CDH10: variants seen among roughly 807,000 people sequenced by gnomAD.
CDH10 encodes cadherin-10.
In CDH10, 30 loss-of-function variants were observed where a neutral mutation model predicts 73.1. The ratio of observed to expected loss-of-function variants is 0.41; its 90% CI spans 0.31 to 0.56. The LOEUF (loss-of-function observed/expected upper bound fraction) is 0.56, where lower values mean the gene tolerates loss of function less well. CDH10 is among the 20% of genes least tolerant of loss of function. The pLI is 0.27. For synonymous variants in CDH10, 345 were observed against 348.2 expected, an observed-to-expected ratio of 0.99 and a Z score of 0.10; for missense variants, 815 against 973.7, an observed-to-expected ratio of 0.84 and a Z score of 2.17.
Position 24,509,621 on chromosome 5 carries a change from T to C in CDH10, c.1201A>G (p.Thr401Ala). 6.2e-7 allele frequency: 1 copy of C among 1,613,898 alleles called. No individual in the cohort carries two copies. Among genetic ancestry groups the C allele is most frequent in the East Asian group, 2.2e-5 (1 of 44,858 alleles). The change falls in exon 7 of 12, where the codon ACA (threonine) becomes GCA (alanine). Residue 401 changes from threonine to alanine, a missense_variant. Transcript: ENST00000264463. ...FEVHEDIEVG[T>A]IIGTVMARDP... ...CTTGCCATTACAGTACCAATGATTG[T>C]GCCCACTTCAATATCTTCATGAACT...
In CDH10 at chr5:24,624,679, T is replaced by A. The variant is rs17521541; in HGVS notation, c.-124+19915A>T. Among the ~76,000 whole-genome samples the A allele has an allele frequency of 1.0e-2, 1,519 of 152,244 alleles. 14 individuals carry two copies. The highest frequency in any genetic ancestry group is 0.051 in the Middle Eastern group (15 of 294). ...AACCAATTCTTCTAAGTGCCAATGT[T>A]TGATGAAAGCAAACTAAAATCAAGA... On this transcript the variant is annotated intron_variant, in intron 1 of 11. Transcript: ENST00000264463.
chr5:24,511,437 T>C lies in CDH10; in HGVS notation c.892A>G (p.Thr298Ala). The C allele has an allele frequency of 1.9e-6, 3 of 1,611,482 alleles. No individual in the cohort carries two copies. The highest frequency in any genetic ancestry group is 2.5e-6 in the Non-Finnish European group (3 of 1,177,632). ...IGSVKATDADTGKNAEVEYRI... is the reference protein window; with the variant it reads ...IGSVKATDADAGKNAEVEYRI... ...TATTCTACTTCAGCATTTTTCCCAG[T>C]GTCAGCATCAGTTGCTTTGACACTT... The change falls in exon 6 of 12, where the codon ACT becomes GCT. Residue 298 changes from threonine (T) to alanine (A), a missense_variant. Coordinates refer to ENST00000264463, the MANE Select transcript of CDH10 (RefSeq NM_006727.5).
At chr5:24,628,661 AC>A in intron 1 of CDH10, among the ~76,000 whole-genome samples, 1 of 152,202 alleles carries the variant, frequency 6.6e-6, no homozygotes, top group East Asian at 1.9e-4. Context: ...TCTTTTATAA[AC>A]TTTTTCATTA....
intron 1 of CDH10, among the ~76,000 whole-genome samples, chr5:24,628,094 A>T (rs562560994): frequency 6.6e-6 from 1 of 152,130 alleles, no homozygotes; most frequent in Non-Finnish European, 1.5e-5. Context: ...TTCCCAGGGG[A>T]AATAAAAACC....
intron 2 of CDH10, among the ~76,000 whole-genome samples, chr5:24,562,499 G>C (rs1036284967): frequency 6.6e-6 from 1 of 151,934 alleles, no homozygotes; most frequent in Non-Finnish European, 1.5e-5. Context: ...TATTTAGAGG[G>C]AGAGCATAAA....
chr5:24,531,863 A>G (rs767315775), intron 5 of CDH10, among the ~76,000 whole-genome samples: 2 of 152,088 alleles, frequency 1.3e-5, no homozygotes, highest in Non-Finnish European at 2.9e-5. Context: ...CCCTCATATG[A>G]CATCAAAATT....
chr5:24,522,696 C>G lies in CDH10; in HGVS notation c.815-11182G>C, dbSNP rs6452215. 8.6e-5 allele frequency among the ~76,000 whole-genome samples: 13 copies of G among 151,792 alleles called. No homozygotes were observed. In the East Asian group the frequency reaches 1.4e-3, roughly 16 times the overall value. On this transcript the variant is annotated intron_variant, in intron 5 of 11. Coordinates refer to ENST00000264463, the MANE Select transcript of CDH10 (RefSeq NM_006727.5). Reference sequence around the variant, plus strand: ...CCACACAACACATCAAAAACACAAGCCTGTAATATCTTGGAAAACATAACC... The same window carrying G: ...CCACACAACACATCAAAAACACAAGGCTGTAATATCTTGGAAAACATAACC...
At chr5:24,572,001 A>T (rs1050386682) in intron 2 of CDH10, among the ~76,000 whole-genome samples, 15 of 152,078 alleles carry the variant, frequency 9.9e-5, no homozygotes, top group African/African-American at 3.6e-4. Flanking sequence ...AGAAGGGTGG[A>T]CTCAAATTTA....
chr5:24,534,175 C>A (rs1203082019), intron 5 of CDH10, among the ~76,000 whole-genome samples: 1 of 151,956 alleles, frequency 6.6e-6, no homozygotes, highest in Admixed American at 6.6e-5. Context: ...AAGCTACTGC[C>A]TTTAAATTTT....
At position 24,487,914 on chromosome 5, in the gene CDH10, C is replaced by A. The variant is rs2111605691; in HGVS notation, c.2116G>T (p.Asp706Tyr). The change falls in exon 12 of 12, where the codon GAT becomes TAT. Residue 706 changes from aspartate (D) to tyrosine (Y), a missense_variant. By Grantham distance (160) the Asp-to-Tyr change is radical (BLOSUM62 -3). Around this residue, in one of 3 missense-constraint regions of CDH10, gnomAD observed 241 missense variants for 240.3 expected, o/e 1.00. Coordinates refer to ENST00000264463, the MANE Select transcript of CDH10 (RefSeq NM_006727.5). ...FIPRRTPTAP[D>Y]NTDVRDFINE... The stretch of plus-strand genomic sequence containing the variant: ...ATGAAATCCCGGACGTCCGTGTTAT[C>A]TGGAGCTGTAGGAGTCCTCCGAGGA... The A allele has an allele frequency of 6.2e-7, 1 of 1,613,914 alleles. No homozygotes were observed. Among genetic ancestry groups the A allele is most frequent in the South Asian group, 1.1e-5 (1 of 91,068 alleles).
At chr5:24,564,835 T>A (rs1745109417) in intron 2 of CDH10, among the ~76,000 whole-genome samples, 1 of 152,162 alleles carries the variant, frequency 6.6e-6, no homozygotes, top group Admixed American at 6.5e-5. Context: ...GGATACTTCA[T>A]CTAGTAATTC....
intron 11 of CDH10, among the ~76,000 whole-genome samples, 161 bp downstream of exon 11, chr5:24,491,415 C>T (rs1009133930): frequency 2.6e-5 from 4 of 151,902 alleles, no homozygotes; most frequent in Admixed American, 1.3e-4. Flanking sequence ...GTATATATTC[C>T]GATCAAATAA....
chr5:24,498,673 C>T (rs1390439067), intron 8 of CDH10, among the ~76,000 whole-genome samples, 154 bp from the exon 9 acceptor site: 1 of 152,144 alleles, frequency 6.6e-6, no homozygotes, highest in Non-Finnish European at 1.5e-5. Flanking sequence ...AAGAAAATTA[C>T]TGCAGAGCCT....
At chr5:24,604,561 A>C (rs116057356) in intron 1 of CDH10, among the ~76,000 whole-genome samples, 4 of 152,246 alleles carry the variant, frequency 2.6e-5, no homozygotes, top group African/African-American at 9.6e-5. Flanking sequence ...TCAAAGACAC[A>C]ATAAAATGAA....
intron 2 of CDH10, among the ~76,000 whole-genome samples, chr5:24,560,992 G>A (rs1744940828): frequency 6.6e-6 from 1 of 152,006 alleles, no homozygotes; most frequent in African/African-American, 2.4e-5. Flanking sequence ...ACTTCCCTAA[G>A]CTTCAGTTTC....
intron 2 of CDH10, among the ~76,000 whole-genome samples, chr5:24,555,992 A>G (rs1382929114): frequency 6.6e-6 from 1 of 152,194 alleles, no homozygotes; most frequent in Admixed American, 6.6e-5. Flanking sequence ...GAGAAACCTT[A>G]TTGGATGTTT....
chr5:24,516,372 T>A (rs75894537), intron 5 of CDH10, among the ~76,000 whole-genome samples: 1 of 152,136 alleles, frequency 6.6e-6, no homozygotes, highest in Non-Finnish European at 1.5e-5. Flanking sequence ...TTTGAGTGTA[T>A]GCAAATATCC....
In CDH10 at chr5:24,593,373, G is replaced by T. The variant is rs1352604182; in HGVS notation, c.118C>A (p.Arg40Ser). ...ATTTTGCCATCACTCCTTGGTACAC[G>T]TGAACTTAAAATTCTTTGCTGTGGC... The part of the protein sequence containing the change: ...PVPQQRILSS[R>S]VPRSDGKILH... Residue 40 changes from arginine to serine, a missense_variant, in exon 2 of 12, where the codon CGT (arginine) becomes AGT (serine). By Grantham distance (110) the Arg-to-Ser change is moderately radical. Coordinates refer to ENST00000264463, the MANE Select transcript of CDH10 (RefSeq NM_006727.5). The T allele has an allele frequency of 1.9e-6, 3 of 1,611,988 alleles. No individual in the cohort carries two copies. Among genetic ancestry groups the T allele is most frequent in the Non-Finnish European group, 2.5e-6 (3 of 1,178,344 alleles).
intron 7 of CDH10, 24 bp from the exon 8 acceptor site, chr5:24,505,272 A>G (rs1742663228): frequency 6.2e-7 from 1 of 1,603,558 alleles, no homozygotes; most frequent in African/African-American, 1.3e-5. Context: ...GCAAGAAAAA[A>G]TACATGGCAG....
Sources: gnomAD v4.1 joint callset for allele counts (sites outside exome capture counted in the v4.1 genomes callset) on GRCh38, gnomAD v4.1.1 for gene constraint, gnomAD v4.1.1 regional missense constraint, MANE v1.5 for transcripts, NCBI Gene and HGNC (gene_info 2026-07-23, HGNC 2026-07-21) for gene names.